Variants in ABTB3 observed in about 807,000 individuals in gnomAD.
ABTB3 encodes the protein ankyrin repeat- and BTB/POZ domain-containing protein 3.
the ABTB3 span, among the ~76,000 whole-genome samples, chr12:107,427,919 G>T: frequency 2.0e-5 from 3 of 152,188 alleles, no homozygotes; most frequent in Admixed American, 6.5e-5. Context: ...AGCCATTTCA[G>T]GGCTTAGCCT....
the ABTB3 span, among the ~76,000 whole-genome samples, chr12:107,471,221 T>C: frequency 3.9e-5 from 6 of 152,178 alleles, no homozygotes; most frequent in South Asian, 1.2e-3. Context: ...CTATAAAAGA[T>C]GTTATTTCCC....
At chr12:107,319,084 C>T in the ABTB3 span, 6 of 1,610,768 alleles carry the variant, frequency 3.7e-6, no homozygotes, top group African/African-American at 1.3e-5. Context: ...CCCCGTATGG[C>T]GGGAGCTGCT....
At chr12:107,614,815 T>C in the ABTB3 span, among the ~76,000 whole-genome samples, 1 of 152,120 alleles carries the variant, frequency 6.6e-6, no homozygotes, top group African/African-American at 2.4e-5. Context: ...GTCCTGCCTT[T>C]GGGGGATTGC....
At chr12:107,453,971 G>C in the ABTB3 span, among the ~76,000 whole-genome samples, 1 of 152,214 alleles carries the variant, frequency 6.6e-6, no homozygotes, top group Non-Finnish European at 1.5e-5. Flanking sequence ...TTACTGAGGG[G>C]TGGAAATCCA....
chr12:107,516,313 C>T, the ABTB3 span, among the ~76,000 whole-genome samples: 5 of 151,846 alleles, frequency 3.3e-5, no homozygotes, highest in African/African-American at 1.2e-4. Flanking sequence ...TCACTGCAAC[C>T]TCCGCCTCCC....
the ABTB3 span, among the ~76,000 whole-genome samples, chr12:107,393,882 A>T: frequency 6.6e-6 from 1 of 152,108 alleles, no homozygotes; most frequent in Non-Finnish European, 1.5e-5. Flanking sequence ...GTGGGCCGAG[A>T]TCGCACCACT....
chr12:107,644,972 C>CTTTTT, the ABTB3 span, among the ~76,000 whole-genome samples: 15,323 of 126,570 alleles, frequency 0.12, 1,132 homozygotes, highest in African/African-American at 0.15. Context: ...TCAAAATTCA[C>CTTTTT]TTTTTTTTTT....
the ABTB3 span, among the ~76,000 whole-genome samples, chr12:107,612,306 A>C: frequency 6.6e-6 from 1 of 152,230 alleles, no homozygotes; most frequent in South Asian, 2.1e-4. Flanking sequence ...ATGATGGGCA[A>C]CGCCACATGC....
the ABTB3 span, chr12:107,319,472 T>A: frequency 6.2e-7 from 1 of 1,603,234 alleles, no homozygotes; most frequent in Non-Finnish European, 8.5e-7. Context: ...GGCCGCGCAC[T>A]GTACGGCGGC....
chr12:107,340,891 G>A, the ABTB3 span, among the ~76,000 whole-genome samples: 18 of 152,242 alleles, frequency 1.2e-4, no homozygotes, highest in Non-Finnish European at 1.5e-4. Context: ...AAGAGAAACA[G>A]AAGGGCGGTG....
the ABTB3 span, among the ~76,000 whole-genome samples, chr12:107,594,976 A>G: frequency 6.6e-6 from 1 of 151,964 alleles, no homozygotes; most frequent in African/African-American, 2.4e-5. Flanking sequence ...GCTTAACAGC[A>G]CCCTCACCTC....
chr12:107,569,725 C>A, the ABTB3 span, among the ~76,000 whole-genome samples: 1 of 152,168 alleles, frequency 6.6e-6, no homozygotes, highest in Non-Finnish European at 1.5e-5. Context: ...TTAGATTCAG[C>A]CACCAGTGTC....
the ABTB3 span, among the ~76,000 whole-genome samples, chr12:107,458,829 T>C: frequency 1.3e-5 from 2 of 152,142 alleles, no homozygotes; most frequent in African/African-American, 4.8e-5. Context: ...TGAACCTTCC[T>C]GTGTCAGGGA....
At chr12:107,420,681 T>A in the ABTB3 span, among the ~76,000 whole-genome samples, 1 of 152,178 alleles carries the variant, frequency 6.6e-6, no homozygotes, top group Non-Finnish European at 1.5e-5. Flanking sequence ...GGCAGCACAT[T>A]GTGCTGGAAA....
At chr12:107,651,524 G>C in the ABTB3 span, 5 of 574,338 alleles carry the variant, frequency 8.7e-6, no homozygotes, top group East Asian at 3.0e-5. Context: ...TTTTCCTCTA[G>C]TGTTACCTTT....
chr12:107,440,421 T>C, the ABTB3 span, among the ~76,000 whole-genome samples: 1 of 152,234 alleles, frequency 6.6e-6, no homozygotes, highest in Non-Finnish European at 1.5e-5. Context: ...CTGACCCTTC[T>C]CGTCCTTCCT....
At chr12:107,360,696 C>G in the ABTB3 span, among the ~76,000 whole-genome samples, 51,185 of 152,028 alleles carry the variant, frequency 0.34, 10,034 homozygotes, top group African/African-American at 0.55. Context: ...CATTGGAAGG[C>G]AACAAGCGAA....
chr12:107,386,903 G>A, the ABTB3 span, among the ~76,000 whole-genome samples: 2 of 150,822 alleles, frequency 1.3e-5, no homozygotes, highest in African/African-American at 4.9e-5. Context: ...GTGTGTGTGT[G>A]TGTGTGTGTG....
chr12:107,390,600 G>A, the ABTB3 span, among the ~76,000 whole-genome samples: 52 of 152,334 alleles, frequency 3.4e-4, no homozygotes, highest in East Asian at 8.9e-3. Flanking sequence ...GAACTTGACT[G>A]CAGGGATAAG....
Sources: allele counts gnomAD v4.1 joint callset (sites outside exome capture counted in the v4.1 genomes callset), GRCh38; gene constraint gnomAD v4.1.1; transcripts MANE v1.5; gene names NCBI Gene and HGNC (gene_info 2026-07-23, HGNC 2026-07-21).